The following SEMA5A variants were observed in gnomAD, a reference collection of about 807,000 sequenced individuals.
The protein encoded by SEMA5A is semaphorin-5A.
SEMA5A carries 55 observed loss-of-function variants against 135.5 expected under a neutral mutation model. The observed-to-expected ratio is 0.41, with a 90% CI of 0.33 to 0.51. The LOEUF is 0.51. SEMA5A is among the 20% of genes least tolerant of loss of function. The pLI is 0.37. For synonymous variants in SEMA5A, 580 were observed against 546.5 expected (o/e 1.06, Z -0.85); for missense variants, 1,290 against 1,419.9 (o/e 0.91, Z 1.47).
In SEMA5A at chr5:9,234,238, G is replaced by A. The variant is rs3026324; in HGVS notation, c.333+3590C>T. Among the ~76,000 whole-genome samples, 852 of 152,306 alleles carry A rather than the reference G, an allele frequency of 5.6e-3. 9 individuals carry two copies. Among genetic ancestry groups the A allele is most frequent in the Middle Eastern group, 0.024 (7 of 294 alleles). The stretch of plus-strand genomic sequence containing the variant: ...GTCTGAATTCTGAGTTCAGGGGGCA[G>A]TCCTTCGGAGGCTGCATTTGGTCCA... On this transcript the variant is annotated intron_variant, in intron 6 of 22. Coordinates refer to ENST00000382496, the MANE Select transcript of SEMA5A (RefSeq NM_003966.3).
At chr5:9,111,950 T>G (rs2150163096) in intron 15 of SEMA5A, among the ~76,000 whole-genome samples, 1 of 120,002 alleles carries the variant, frequency 8.3e-6, no homozygotes, top group Non-Finnish European at 1.6e-5. Context: ...TGGTTAAGGG[T>G]TTTAAAATTA....
intron 17 of SEMA5A, among the ~76,000 whole-genome samples, chr5:9,063,431 C>G (rs975528219): frequency 6.6e-6 from 1 of 152,216 alleles, no homozygotes; most frequent in African/African-American, 2.4e-5. Context: ...GAAAACACAA[C>G]TTTCTCACTT....
At chr5:9,385,371 T>A (rs536725666) in intron 2 of SEMA5A, among the ~76,000 whole-genome samples, 1 of 152,332 alleles carries the variant, frequency 6.6e-6, no homozygotes, top group South Asian at 2.1e-4. Context: ...GGCATTTTGC[T>A]TAGGGAACAG....
At chr5:9,503,316 A>C (rs1735690171) in intron 1 of SEMA5A, among the ~76,000 whole-genome samples, 1 of 152,214 alleles carries the variant, frequency 6.6e-6, no homozygotes, top group African/African-American at 2.4e-5. Context: ...AGGGAAGAGG[A>C]AGCTAAAAGA....
intron 4 of SEMA5A, among the ~76,000 whole-genome samples, chr5:9,322,053 G>T (rs1201089085): frequency 5.9e-5 from 9 of 152,176 alleles, no homozygotes; most frequent in Admixed American, 2.6e-4. Flanking sequence ...GAGTGGAGGA[G>T]ACACAGAGAT....
intron 12 of SEMA5A, among the ~76,000 whole-genome samples, chr5:9,137,492 G>A (rs563737062): frequency 6.6e-6 from 1 of 152,288 alleles, no homozygotes; most frequent in Non-Finnish European, 1.5e-5. Context: ...AGATGATAGC[G>A]ATGGAGCCAG....
intron 5 of SEMA5A, among the ~76,000 whole-genome samples, chr5:9,301,028 T>C (rs1406257323): frequency 1.3e-5 from 2 of 152,210 alleles, no homozygotes; most frequent in African/African-American, 4.8e-5. Flanking sequence ...AGAAAGCTAA[T>C]ACACTACTAA....
chr5:9,073,217 A>C (rs1354571), intron 16 of SEMA5A, among the ~76,000 whole-genome samples: 136,587 of 152,076 alleles, frequency 0.9, 61,536 homozygotes, highest in East Asian at 0.96. Context: ...CTTAAAAAGA[A>C]TTTAAGAAAT....
At chr5:9,384,675 T>TATAGATAGATAGATATAGATAG (rs1755802898) in intron 2 of SEMA5A, among the ~76,000 whole-genome samples, 3 of 64,170 alleles carry the variant, frequency 4.7e-5, no homozygotes, top group Non-Finnish European at 3.3e-5. Flanking sequence ...GATAGATAGA[T>TATAGATAGATAGATATAGATAG]ATAGATAGAT....
chr5:9,529,578 A>T (rs1342956512), intron 1 of SEMA5A, among the ~76,000 whole-genome samples: 1 of 152,238 alleles, frequency 6.6e-6, no homozygotes, highest in Admixed American at 6.5e-5. Flanking sequence ...TCAGACATTG[A>T]CCTATAGGCC....
At chr5:9,191,262 T>A (rs1745098449) in intron 10 of SEMA5A, among the ~76,000 whole-genome samples, 1 of 152,034 alleles carries the variant, frequency 6.6e-6, no homozygotes, top group Admixed American at 6.6e-5. Flanking sequence ...AAGGGGAAAT[T>A]CAGCCCTGTA....
chr5:9,275,380 C>T (rs923729238), intron 5 of SEMA5A, among the ~76,000 whole-genome samples: 3 of 152,106 alleles, frequency 2.0e-5, no homozygotes, highest in Admixed American at 6.6e-5. Flanking sequence ...CAGATGGACT[C>T]CCAGCCTAAT....
At chr5:9,404,179 C>T (rs764246013) in intron 2 of SEMA5A, among the ~76,000 whole-genome samples, 2 of 152,206 alleles carry the variant, frequency 1.3e-5, no homozygotes, top group Non-Finnish European at 2.9e-5. Flanking sequence ...GGTGATCTGC[C>T]TACCTCAGCC....
At chr5:9,399,342 A>G (rs115771913) in intron 2 of SEMA5A, among the ~76,000 whole-genome samples, 1 of 152,314 alleles carries the variant, frequency 6.6e-6, no homozygotes, top group African/African-American at 2.4e-5. Flanking sequence ...TGAAAACATG[A>G]TAAGTGAAAG....
chr5:9,059,271 T>C (rs1328173616), intron 18 of SEMA5A, among the ~76,000 whole-genome samples: 1 of 152,176 alleles, frequency 6.6e-6, no homozygotes, highest in Non-Finnish European at 1.5e-5. Flanking sequence ...AAACATCTGT[T>C]GTCTGTACCT....
rs151305904 is a variant in SEMA5A at position 9,044,012 on chromosome 5, G to A, written c.3105+361C>T. Among the ~76,000 whole-genome samples, 1,195 of 152,312 alleles carry A rather than the reference G, an allele frequency of 7.8e-3. 8 individuals are homozygous for A. Among genetic ancestry groups the A allele is most frequent in the Non-Finnish European group, 0.013 (866 of 68,034 alleles). On this transcript the variant is annotated intron_variant, in intron 22 of 22. Coordinates refer to ENST00000382496, the MANE Select transcript of SEMA5A (RefSeq NM_003966.3). ...TAGTTTCTGAGAGGCCAGGAGGGGCGTGTTATTAATTCCTGGTGCTTCATT... is the reference window on the plus strand; with the variant it reads ...TAGTTTCTGAGAGGCCAGGAGGGGCATGTTATTAATTCCTGGTGCTTCATT...
intron 3 of SEMA5A, among the ~76,000 whole-genome samples, chr5:9,378,485 G>A (rs996837349): frequency 1.3e-4 from 20 of 152,224 alleles, no homozygotes; most frequent in Admixed American, 2.0e-4. Context: ...CCCATGACAC[G>A]GTCAAGACAA....
rs143732267 is a variant in SEMA5A at position 9,062,453 on chromosome 5, C to T, written c.2518+434G>A. ...CAACAGGTGATGACATCACACAAGA[C>T]ATTTATTTATTTGTTTGTTTATTTA... On this transcript the variant is annotated intron_variant, in intron 18 of 22. Coordinates refer to ENST00000382496, the MANE Select transcript of SEMA5A (RefSeq NM_003966.3). 9.4e-4 allele frequency among the ~76,000 whole-genome samples: 143 copies of T among 152,232 alleles called. 2 individuals are homozygous for T. The highest frequency in any genetic ancestry group is 3.3e-3 in the African/African-American group (137 of 41,534).
At chr5:9,080,905 G>A (rs1738343528) in intron 16 of SEMA5A, among the ~76,000 whole-genome samples, 1 of 152,184 alleles carries the variant, frequency 6.6e-6, no homozygotes, top group African/African-American at 2.4e-5. Context: ...TGGGTGTCAT[G>A]CTCTGCATAA....
Sources: gnomAD v4.1 joint callset for allele counts (sites outside exome capture counted in the v4.1 genomes callset) on GRCh38, gnomAD v4.1.1 for gene constraint, MANE v1.5 for transcripts, NCBI Gene and HGNC (gene_info 2026-07-23, HGNC 2026-07-21) for gene names.